The following RPSA2 variants were observed in gnomAD, a reference collection of about 807,000 sequenced individuals.
The protein encoded by RPSA2 is small ribosomal subunit protein uS2B.
the RPSA2 span, among the ~76,000 whole-genome samples, chr19:23,780,380 A>C: frequency 6.6e-6 from 1 of 152,158 alleles, no homozygotes; most frequent in African/African-American, 2.4e-5. Context: ...GCGGTGGCTC[A>C]CACCTGTAAT....
the RPSA2 span, among the ~76,000 whole-genome samples, chr19:23,825,804 G>T: frequency 2.0e-5 from 3 of 152,090 alleles, no homozygotes; most frequent in East Asian, 5.8e-4. Context: ...GGTCAGGCTG[G>T]TCTTGAACTC....
At chr19:23,833,502 A>G in the RPSA2 span, among the ~76,000 whole-genome samples, 8 of 152,074 alleles carry the variant, frequency 5.3e-5, no homozygotes, top group Non-Finnish European at 1.2e-4. Context: ...CCTTTAAATG[A>G]TTGTCACACT....
the RPSA2 span, among the ~76,000 whole-genome samples, chr19:23,855,306 T>C: frequency 6.6e-6 from 1 of 152,164 alleles, no homozygotes; most frequent in South Asian, 2.1e-4. Flanking sequence ...GTTAGAACAG[T>C]TTTTGCCAAA....
At chr19:23,788,818 C>A in the RPSA2 span, among the ~76,000 whole-genome samples, 2 of 152,110 alleles carry the variant, frequency 1.3e-5, no homozygotes, top group Non-Finnish European at 2.9e-5. Context: ...GTTTTGGATC[C>A]ATATCCTATG....
At chr19:23,787,760 A>T in the RPSA2 span, among the ~76,000 whole-genome samples, 9 of 152,286 alleles carry the variant, frequency 5.9e-5, no homozygotes, top group African/African-American at 1.9e-4. Context: ...TTTATTTCTT[A>T]CTTTTTCCTG....
chr19:23,800,209 A>AC, the RPSA2 span, among the ~76,000 whole-genome samples: 1 of 6,088 alleles, frequency 1.6e-4, no homozygotes, highest in Non-Finnish European at 1.8e-3. Context: ...ATTTTATTTT[A>AC]TTTTTTTTTA....
chr19:23,823,104 G>A, the RPSA2 span, among the ~76,000 whole-genome samples: 2 of 152,084 alleles, frequency 1.3e-5, no homozygotes, highest in African/African-American at 4.8e-5. Flanking sequence ...CCTTCAGCTG[G>A]CCATCTAACA....
chr19:23,818,804 A>C, the RPSA2 span: 4 of 152,872 alleles, frequency 2.6e-5, no homozygotes, highest in South Asian at 8.3e-4. Context: ...ACTAGGTTCT[A>C]GGTAAGGACT....
the RPSA2 span, among the ~76,000 whole-genome samples, chr19:23,826,001 C>G: frequency 7.2e-6 from 1 of 137,988 alleles, no homozygotes; most frequent in Non-Finnish European, 1.5e-5. Flanking sequence ...AACTCTGTAT[C>G]TCTTTTAGTT....
chr19:23,828,115 T>TAAA, the RPSA2 span: 70 of 391,248 alleles, frequency 1.8e-4, no homozygotes, highest in African/African-American at 3.7e-3. Flanking sequence ...CATCAGTTTC[T>TAAA]AAAAAAAAAA....
At chr19:23,819,080 C>G in the RPSA2 span, 1 of 152,118 alleles carries the variant, frequency 6.6e-6, no homozygotes, top group Non-Finnish European at 1.5e-5. Context: ...AGGTCCTTTC[C>G]TAGAGGAGGA....
At chr19:23,810,821 G>GT in the RPSA2 span, among the ~76,000 whole-genome samples, 7 of 152,228 alleles carry the variant, frequency 4.6e-5, no homozygotes, top group African/African-American at 9.6e-5. Context: ...TGGTTACAGA[G>GT]TAAGTTCAGA....
chr19:23,841,328 G>T, the RPSA2 span, among the ~76,000 whole-genome samples: 3 of 152,070 alleles, frequency 2.0e-5, no homozygotes, highest in Non-Finnish European at 4.4e-5. Context: ...GCTGGGCGTG[G>T]TGGTGGGCAC....
At chr19:23,866,083 G>T in the RPSA2 span, among the ~76,000 whole-genome samples, 1 of 152,178 alleles carries the variant, frequency 6.6e-6, no homozygotes, top group African/African-American at 2.4e-5. Context: ...ATGAGCTGTG[G>T]CCCCTTTTCA....
the RPSA2 span, among the ~76,000 whole-genome samples, chr19:23,774,405 G>T: frequency 6.6e-6 from 1 of 152,110 alleles, no homozygotes; most frequent in African/African-American, 2.4e-5. Flanking sequence ...ACTTGGCTCC[G>T]TACCAAACAA....
chr19:23,792,536 G>A, the RPSA2 span, among the ~76,000 whole-genome samples: 2 of 151,244 alleles, frequency 1.3e-5, no homozygotes, highest in African/African-American at 2.4e-5. Context: ...ATTGAATTTC[G>A]AAGGAGTATT....
chr19:23,762,384 T>C, the RPSA2 span, among the ~76,000 whole-genome samples: 15 of 151,610 alleles, frequency 9.9e-5, no homozygotes, highest in East Asian at 1.4e-3. Context: ...GATTAAAAAA[T>C]GTCCAAATGG....
chr19:23,836,724 T>C, the RPSA2 span, among the ~76,000 whole-genome samples: 1 of 152,138 alleles, frequency 6.6e-6, no homozygotes, highest in Admixed American at 6.5e-5. Context: ...AGGAATAGAG[T>C]GGTATCGCAT....
the RPSA2 span, among the ~76,000 whole-genome samples, chr19:23,813,671 A>C: frequency 6.6e-6 from 1 of 151,656 alleles, no homozygotes; most frequent in African/African-American, 2.4e-5. Flanking sequence ...TAAGAAGTAC[A>C]TTTATAACAT....
Sources: gnomAD v4.1 joint callset for allele counts (sites outside exome capture counted in the v4.1 genomes callset) on GRCh38, gnomAD v4.1.1 for gene constraint, MANE v1.5 for transcripts, NCBI Gene and HGNC (gene_info 2026-07-23, HGNC 2026-07-21) for gene names.